PLXDC2: variants seen among roughly 807,000 people sequenced by gnomAD.
The protein encoded by PLXDC2 is plexin domain-containing protein 2.
PLXDC2 carries 40 observed loss-of-function variants against 68.9 expected under a neutral mutation model. That is an observed-to-expected ratio of 0.58 (90% CI 0.45 to 0.76). The LOEUF (loss-of-function observed/expected upper bound fraction) is 0.76. Among genes scored for constraint, PLXDC2 ranks in the 30% least tolerant of loss-of-function variants. The pLI is 0.00. For synonymous variants in PLXDC2, 243 were observed against 234.2 expected (o/e 1.04, Z -0.34); for missense variants, 644 against 661.9 (o/e 0.97, Z 0.30).
intron 6 of PLXDC2, among the ~76,000 whole-genome samples, chr10:20,163,039 G>A (rs1008649442): frequency 2.0e-5 from 3 of 151,640 alleles, no homozygotes; most frequent in African/African-American, 7.3e-5. Context: ...CCTGGGAGAT[G>A]GAGTGAGACT....
rs961897189 is a variant in PLXDC2 at position 20,281,788 on chromosome 10, A to G, written c.*1969A>G. On this transcript the variant is annotated 3_prime_UTR_variant, in exon 14 of 14. Transcript: ENST00000377252. ...GGTGAGACAGCAATAACCAAATGACATGCCAATATTACTGGTGCAACTGGT... is the reference window on the plus strand; with the variant it reads ...GGTGAGACAGCAATAACCAAATGACGTGCCAATATTACTGGTGCAACTGGT... 6.6e-6 allele frequency: 1 copy of G among 152,160 alleles called. No homozygotes were observed. The highest frequency in any genetic ancestry group is 6.6e-5 in the Admixed American group (1 of 15,256). 9.4% of individuals were successfully genotyped at this position (152,160 alleles called of 1,614,324 possible).
intron 4 of PLXDC2, among the ~76,000 whole-genome samples, chr10:20,073,537 C>A (rs1836379029): frequency 6.6e-6 from 1 of 152,144 alleles, no homozygotes; most frequent in Non-Finnish European, 1.5e-5. Flanking sequence ...AAAATAGAAT[C>A]TTTGCCTATT....
intron 4 of PLXDC2, among the ~76,000 whole-genome samples, chr10:20,134,205 T>C (rs1045506617): frequency 6.6e-6 from 1 of 152,244 alleles, no homozygotes; most frequent in African/African-American, 2.4e-5. Context: ...AGGCAGTTCA[T>C]AGATCTCCAA....
chr10:20,133,344 A>G (rs1022205685), intron 4 of PLXDC2, among the ~76,000 whole-genome samples: 3 of 152,086 alleles, frequency 2.0e-5, no homozygotes, highest in Admixed American at 6.6e-5. Context: ...CTATCATTTC[A>G]TTTCAACTTA....
At chr10:20,123,446 T>A (rs996520310) in intron 4 of PLXDC2, among the ~76,000 whole-genome samples, 6 of 152,126 alleles carry the variant, frequency 3.9e-5, no homozygotes, top group Non-Finnish European at 8.8e-5. Context: ...ATTTAGATCT[T>A]GTAAGATGGA....
At chr10:20,101,840 C>G (rs541254601) in intron 4 of PLXDC2, among the ~76,000 whole-genome samples, 1 of 151,682 alleles carries the variant, frequency 6.6e-6, no homozygotes, top group South Asian at 2.1e-4. Flanking sequence ...CTCTGTTGCC[C>G]AGGCTGGAGT....
At chr10:20,115,955 G>A (rs185056244) in intron 4 of PLXDC2, among the ~76,000 whole-genome samples, 2 of 152,236 alleles carry the variant, frequency 1.3e-5, no homozygotes, top group East Asian at 1.9e-4. Context: ...CTCGCAGCAC[G>A]ATGACCCTTT....
At chr10:19,938,764 G>A (rs1218845413) in intron 1 of PLXDC2, among the ~76,000 whole-genome samples, 2 of 152,200 alleles carry the variant, frequency 1.3e-5, no homozygotes, top group Non-Finnish European at 2.9e-5. Flanking sequence ...TAAGCAATCA[G>A]CAGTACATGA....
At chr10:20,115,682 T>C (rs1000976388) in intron 4 of PLXDC2, among the ~76,000 whole-genome samples, 1 of 152,310 alleles carries the variant, frequency 6.6e-6, no homozygotes, top group South Asian at 2.1e-4. Flanking sequence ...GCCTCCCCCA[T>C]ACTTCCCATA....
At chr10:19,922,193 C>T (rs1833471728) in intron 1 of PLXDC2, among the ~76,000 whole-genome samples, 1 of 152,228 alleles carries the variant, frequency 6.6e-6, no homozygotes, top group Non-Finnish European at 1.5e-5. Flanking sequence ...ACCCAGAGGA[C>T]ACCCAATTCT....
intron 4 of PLXDC2, among the ~76,000 whole-genome samples, chr10:20,123,869 G>A (rs1258733086): frequency 6.6e-6 from 1 of 151,880 alleles, no homozygotes; most frequent in African/African-American, 2.4e-5. Context: ...AGGGATTGGG[G>A]TGCAGAGATA....
intron 12 of PLXDC2, among the ~76,000 whole-genome samples, chr10:20,238,663 A>AAATATATATATATG (rs1564363433): frequency 6.4e-5 from 7 of 109,366 alleles, no homozygotes; most frequent in South Asian, 2.8e-4. Flanking sequence ...CTCAAAAAAA[A>AAATATATATATATG]TATATATATA....
intron 2 of PLXDC2, among the ~76,000 whole-genome samples, chr10:20,020,135 C>T (rs1835280741): frequency 6.7e-6 from 1 of 149,938 alleles, no homozygotes; most frequent in African/African-American, 2.5e-5. Flanking sequence ...CCTTAGCCTC[C>T]TGAAAAGGTG....
At chr10:20,244,721 G>GA (rs1835565534) in intron 12 of PLXDC2, among the ~76,000 whole-genome samples, 1 of 152,162 alleles carries the variant, frequency 6.6e-6, no homozygotes, top group Non-Finnish European at 1.5e-5. Flanking sequence ...GGTTTAATGA[G>GA]AAAAATCAAA....
At chr10:19,874,876 C>T (rs560966167) in intron 1 of PLXDC2, among the ~76,000 whole-genome samples, 4 of 152,020 alleles carry the variant, frequency 2.6e-5, no homozygotes, top group South Asian at 4.2e-4. Context: ...TTTTCAGAGA[C>T]GAGGATGGGA....
At chr10:20,031,852 G>A (rs957940045) in intron 2 of PLXDC2, among the ~76,000 whole-genome samples, 1 of 151,642 alleles carries the variant, frequency 6.6e-6, no homozygotes, top group African/African-American at 2.4e-5. Flanking sequence ...TTGAGATGGA[G>A]TCTCACTCTG....
intron 4 of PLXDC2, among the ~76,000 whole-genome samples, chr10:20,069,360 G>A (rs1836277285): frequency 6.6e-6 from 1 of 152,134 alleles, no homozygotes; most frequent in African/African-American, 2.4e-5. Context: ...AATTGCTTAG[G>A]AAATACAAAT....
At chr10:19,837,376 T>G (rs1836814317) in intron 1 of PLXDC2, among the ~76,000 whole-genome samples, 1 of 143,832 alleles carries the variant, frequency 7.0e-6, no homozygotes, top group African/African-American at 2.5e-5. Flanking sequence ...TGTTTTCTCA[T>G]TGAGTAAGTG....
At chr10:20,014,382 G>GCTTCCTTCCTTCCTTC (rs539488828) in intron 2 of PLXDC2, among the ~76,000 whole-genome samples, 20 of 79,074 alleles carry the variant, frequency 2.5e-4, no homozygotes, top group South Asian at 4.9e-4. Flanking sequence ...TTCCTTCCTT[G>GCTTCCTTCCTTCCTTC]CTTCCTTCCT....
Sources: gnomAD v4.1 joint callset for allele counts (sites outside exome capture counted in the v4.1 genomes callset) on GRCh38, gnomAD v4.1.1 for gene constraint, MANE v1.5 for transcripts, NCBI Gene and HGNC (gene_info 2026-07-23, HGNC 2026-07-21) for gene names.